Variants in PARN observed in about 807,000 individuals in gnomAD.
PARN encodes poly(A)-specific ribonuclease.
In PARN, 71 loss-of-function variants were observed where a neutral mutation model predicts 102.8. The observed-to-expected ratio is 0.69, with a 90% CI of 0.57 to 0.84. The LOEUF is 0.84. Among genes scored for constraint, PARN ranks in the 40% least tolerant of loss-of-function variants. The pLI is 0.00. For missense variants in PARN, 782 were observed against 760.9 expected (o/e 1.03, Z -0.33); for synonymous variants, 261 against 252.9 (o/e 1.03, Z -0.30).
intron 21 of PARN, among the ~76,000 whole-genome samples, chr16:14,547,248 A>C (rs755848799): frequency 6.6e-6 from 1 of 152,176 alleles, no homozygotes; most frequent in Non-Finnish European, 1.5e-5. Flanking sequence ...TGCTAAATGC[A>C]CAGCTTGTAT....
At chr16:14,473,774 A>G (rs1962884631) in intron 22 of PARN, among the ~76,000 whole-genome samples, 1 of 152,194 alleles carries the variant, frequency 6.6e-6, no homozygotes, top group Non-Finnish European at 1.5e-5. Flanking sequence ...ATAGCAGTGG[A>G]CAGTTGTGGG....
intron 21 of PARN, among the ~76,000 whole-genome samples, chr16:14,549,503 G>C (rs1567373364): frequency 6.6e-6 from 1 of 152,190 alleles, no homozygotes. Flanking sequence ...TCCCTGATTA[G>C]AGTTACCACG....
At chr16:14,503,085 CCT>C (rs1383907819) in intron 21 of PARN, among the ~76,000 whole-genome samples, 5 of 152,124 alleles carry the variant, frequency 3.3e-5, no homozygotes, top group Non-Finnish European at 5.9e-5. Flanking sequence ...CCGCTGCGCC[CCT>C]GAGTGCTCCT....
At chr16:14,510,491 T>C (rs1306047339) in intron 21 of PARN, among the ~76,000 whole-genome samples, 6 of 152,118 alleles carry the variant, frequency 3.9e-5, no homozygotes, top group Non-Finnish European at 8.8e-5. Flanking sequence ...ATATAGGACT[T>C]TGTAAAAATT....
intron 11 of PARN, among the ~76,000 whole-genome samples, chr16:14,600,668 C>T (rs768746821): frequency 6.6e-6 from 1 of 152,094 alleles, no homozygotes; most frequent in Non-Finnish European, 1.5e-5. Context: ...AAGTGGCTCA[C>T]GCCTGTAATC....
intron 21 of PARN, among the ~76,000 whole-genome samples, chr16:14,488,504 A>C (rs1447390244): frequency 6.6e-6 from 1 of 152,206 alleles, no homozygotes; most frequent in Non-Finnish European, 1.5e-5. Flanking sequence ...TTAGCACTAG[A>C]ATATATAAAA....
In PARN at chr16:14,554,087, A is replaced by G. The variant is rs143472178; in HGVS notation, c.1383T>C (p.Leu461=). Residue 461 remains leucine (L), a synonymous_variant, in exon 20 of 24, where the codon CTT becomes CTC. Coordinates refer to ENST00000437198, the MANE Select transcript of PARN (RefSeq NM_002582.4). ...TACCAAAGGCACTGAAAAGCTGGTA[A>G]AGGTCGCTGGTTTTCCATTCTTTGG... ...TFPKEWKTSD[L]YQLFSAFGNI... The G allele has an allele frequency of 1.7e-3, 2,667 of 1,612,822 alleles. 41 individuals are homozygous for G. In the African/African-American group the frequency reaches 0.03, roughly 18 times the overall value.
chr16:14,598,357 C>T (rs115594380), intron 12 of PARN, among the ~76,000 whole-genome samples: 131 of 152,170 alleles, frequency 8.6e-4, no homozygotes, highest in African/African-American at 2.9e-3. Context: ...AAAACAGGTA[C>T]AGCAAGCTAA....
chr16:14,582,302 A>C lies in PARN; in HGVS notation c.1082-11T>G, dbSNP rs1263643338. 1.3e-6 allele frequency: 2 copies of C among 1,588,856 alleles called. No individual in the cohort carries two copies. The highest frequency in any genetic ancestry group is 2.7e-5 in the African/African-American group (2 of 74,394). On this transcript the variant is annotated splice_polypyrimidine_tract_variant and intron_variant, in intron 16 of 23. Transcript: ENST00000437198. ...AACCTTCGGCACTTTCTAAGAAAAA[A>C]AAGGAAAAAGTTTTCCTCAAAACAA...
rs978444118 is a variant in PARN at position 14,614,613 on chromosome 16, G to A, written c.388+2977C>T. On this transcript the variant is annotated intron_variant, in intron 6 of 23. Transcript: ENST00000437198. Reference sequence around the variant, plus strand: ...CACCTGTAATCCCAGCTCTTTGGGAGGCCAAGGCAGGTGGACCATCTGAGG... The same window carrying A: ...CACCTGTAATCCCAGCTCTTTGGGAAGCCAAGGCAGGTGGACCATCTGAGG... 9.9e-5 allele frequency among the ~76,000 whole-genome samples: 15 copies of A among 152,102 alleles called. 1 individual carries two copies. The highest frequency in any genetic ancestry group is 2.9e-4 in the African/African-American group (12 of 41,424).
chr16:14,444,307 C>CT (rs34275529), intron 23 of PARN, among the ~76,000 whole-genome samples: 57,037 of 148,734 alleles, frequency 0.38, 10,878 homozygotes, highest in African/African-American at 0.41. Context: ...GTCTCTTTCT[C>CT]TTTTTTTTTT....
intron 20 of PARN, among the ~76,000 whole-genome samples, chr16:14,552,675 G>A (rs952658054): frequency 5.9e-5 from 9 of 152,114 alleles, no homozygotes; most frequent in African/African-American, 1.2e-4. Context: ...GAGGCCGGGC[G>A]CGGTGGCTCA....
chr16:14,503,523 C>T (rs182112928), intron 21 of PARN, among the ~76,000 whole-genome samples: 1 of 152,284 alleles, frequency 6.6e-6, no homozygotes, highest in Admixed American at 6.5e-5. Flanking sequence ...CTGCTCTTTT[C>T]CCTACCTACC....
At chr16:14,556,083 C>T (rs1400086362) in intron 18 of PARN, among the ~76,000 whole-genome samples, 1 of 151,880 alleles carries the variant, frequency 6.6e-6, no homozygotes, top group African/African-American at 2.4e-5. Flanking sequence ...GATCTACCTG[C>T]CTCTGCCTCC....
chr16:14,576,278 T>C (rs1485197387), intron 18 of PARN: 1 of 152,238 alleles, frequency 6.6e-6, no homozygotes, highest in Admixed American at 6.5e-5. Flanking sequence ...AGCGGAACCC[T>C]GTTCAGATTC....
intron 21 of PARN, among the ~76,000 whole-genome samples, chr16:14,524,998 T>G (rs1965922173): frequency 1.3e-5 from 2 of 152,242 alleles, no homozygotes; most frequent in African/African-American, 4.8e-5. Context: ...ATTTAAACAA[T>G]GACAGATTTT....
At chr16:14,502,222 G>A (rs1478952750) in intron 21 of PARN, among the ~76,000 whole-genome samples, 2 of 152,168 alleles carry the variant, frequency 1.3e-5, no homozygotes, top group Admixed American at 6.5e-5. Flanking sequence ...GGCAAGGGGT[G>A]GGGACGCTAA....
intron 6 of PARN, among the ~76,000 whole-genome samples, chr16:14,614,785 T>C (rs544002198): frequency 8.9e-6 from 1 of 112,842 alleles, no homozygotes; most frequent in East Asian, 3.0e-4. Context: ...GAGGCAGAGG[T>C]GGTGGTGAGC....
intron 22 of PARN, among the ~76,000 whole-genome samples, chr16:14,456,161 G>C (rs1215674972): frequency 6.6e-6 from 1 of 151,428 alleles, no homozygotes; most frequent in East Asian, 1.9e-4. Context: ...CAGTTTTACA[G>C]TAAGTTTTCT....
Sources: allele counts gnomAD v4.1 joint callset (sites outside exome capture counted in the v4.1 genomes callset), GRCh38; gene constraint gnomAD v4.1.1; transcripts MANE v1.5; gene names NCBI Gene and HGNC (gene_info 2026-07-23, HGNC 2026-07-21).